ITGAL: variants seen among roughly 807,000 people sequenced by gnomAD.
ITGAL encodes integrin subunit alpha L, also known as integrin alpha-L.
ITGAL carries 68 observed loss-of-function variants against 138.4 expected under a neutral mutation model. That is an observed-to-expected ratio of 0.49 (90% CI 0.40 to 0.60). The LOEUF is 0.60. ITGAL is among the 20% of genes least tolerant of loss of function. ITGAL has a pLI of 0.00. For missense variants in ITGAL, 1,256 were observed against 1,478.6 expected, an observed-to-expected ratio of 0.85 and a Z score of 2.47; for synonymous variants, 561 against 584.3, an observed-to-expected ratio of 0.96 and a Z score of 0.57.
rs1186074262 is a variant in ITGAL, at chr16:30,505,472, G to A, written c.2366+10G>A. On this transcript the variant is annotated intron_variant, in intron 20 of 30. Coordinates refer to ENST00000356798, the MANE Select transcript of ITGAL (RefSeq NM_002209.3). ...CCTTCTCTCCTGCAAGGTCAGTAAGGCCTCCCACCCTCCAGCCTCCCATCC... is the reference window on the plus strand; with the variant it reads ...CCTTCTCTCCTGCAAGGTCAGTAAGACCTCCCACCCTCCAGCCTCCCATCC... 1 of 1,608,722 alleles carries A rather than the reference G, an allele frequency of 6.2e-7. No homozygotes were observed. The highest frequency in any genetic ancestry group is 2.2e-5 in the East Asian group (1 of 44,850).
intron 6 of ITGAL, among the ~76,000 whole-genome samples, chr16:30,480,293 C>G (rs558859964): frequency 6.6e-6 from 1 of 152,138 alleles, no homozygotes; most frequent in South Asian, 2.1e-4. Context: ...TCTCAGTCTC[C>G]GTAGACTGGC....
rs755538951 is a variant in ITGAL, at chr16:30,494,303, G to A, written c.1305G>A (p.Leu435=). 11 of 1,613,432 alleles carry A rather than the reference G, an allele frequency of 6.8e-6. No individual in the cohort carries two copies. Among genetic ancestry groups the A allele is most frequent in the South Asian group, 6.6e-5 (6 of 91,060 alleles). Residue 435 remains leucine (L), a synonymous_variant, in exon 12 of 31, where the codon CTG becomes CTA. Transcript: ENST00000356798. The surrounding 1 kb of genome is among the most constrained non-coding windows in gnomAD (Gnocchi z 4.2). ...PRYQHMGRVL[L]FQEPQGGGHW... ...ACCAGCACATGGGCCGAGTGCTGCT[G>A]TTCCAAGAGCCACAGGGCGGAGGAC... is the stretch of plus-strand genomic sequence containing the variant.
chr16:30,506,996 C>T, intron 21 of ITGAL, 140 bp downstream of exon 21: 1 of 895,154 alleles, frequency 1.1e-6, no homozygotes, highest in Non-Finnish European at 1.7e-6. Flanking sequence ...ATCTGGGTTC[C>T]CAGCCTCGAG....
Position 30,496,191 on chromosome 16 carries a change from G to A in ITGAL, c.1598G>A (p.Gly533Asp). Residue 533 changes from glycine (G) to aspartate (D), a missense_variant, in exon 14 of 31, where the codon GGC becomes GAC. Physicochemically the swap from Gly to Asp is moderately conservative, Grantham distance 94. This residue lies in a region of ITGAL where 867 missense variants were observed against 972.5 expected (regional missense o/e 0.89). Coordinates refer to ENST00000356798, the MANE Select transcript of ITGAL (RefSeq NM_002209.3). ...ATCACTGCTCTGACAGACATCAACG[G>A]CGATGGGCTGGTAGACGTGGCTGTG... ...EAITALTDIN[G>D]DGLVDVAVGA... The A allele has an allele frequency of 6.2e-7, 1 of 1,614,048 alleles. No homozygotes were observed. The highest frequency in any genetic ancestry group is 8.5e-7 in the Non-Finnish European group (1 of 1,179,970).
chr16:30,476,830 C>T (rs1597061805), intron 4 of ITGAL, among the ~76,000 whole-genome samples: 2 of 152,058 alleles, frequency 1.3e-5, no homozygotes, highest in South Asian at 2.1e-4. Context: ...GATGGGGTTT[C>T]GCCATGTTGG....
intron 17 of ITGAL, among the ~76,000 whole-genome samples, chr16:30,503,216 G>A (rs1043687883): frequency 2.6e-5 from 4 of 151,902 alleles, no homozygotes; most frequent in African/African-American, 7.3e-5. Flanking sequence ...AACAATTATC[G>A]ACTCACCCTC....
chr16:30,490,421 T>C (rs2050709423), intron 11 of ITGAL, among the ~76,000 whole-genome samples: 2 of 152,032 alleles, frequency 1.3e-5, no homozygotes, highest in African/African-American at 4.8e-5. Context: ...ATTCAAACTG[T>C]GCAATCCTAA....
At chr16:30,476,656 G>A (rs2050476388) in intron 4 of ITGAL, among the ~76,000 whole-genome samples, 1 of 142,326 alleles carries the variant, frequency 7.0e-6, no homozygotes, top group South Asian at 2.3e-4. Flanking sequence ...TTTTGAGACA[G>A]AGTTTCACTC....
At chr16:30,500,081 T>C (rs914706943) in intron 17 of ITGAL, among the ~76,000 whole-genome samples, 3 of 143,816 alleles carry the variant, frequency 2.1e-5, no homozygotes, top group African/African-American at 7.7e-5. Context: ...TATTTATTTA[T>C]TTATTTATTT....
intron 9 of ITGAL, among the ~76,000 whole-genome samples, chr16:30,486,275 C>T (rs925719339): frequency 6.6e-6 from 1 of 151,910 alleles, no homozygotes. Flanking sequence ...CTGAGGCAGG[C>T]GGATCACTTG....
rs2050682686 is a variant in ITGAL at position 30,488,750 on chromosome 16, G to A, written c.1007-332G>A. 2.6e-5 allele frequency: 8 copies of A among 312,804 alleles called. No homozygotes were observed. In the South Asian group the frequency reaches 2.8e-4, roughly 11 times the overall value. 19.4% of individuals were successfully genotyped at this position (312,804 alleles called of 1,614,324 possible). A position where few individuals can be genotyped will look rare whatever the true frequency, so the allele number is the denominator to read the frequency against. ...AAATTAGCCAGGTGTGATGGTGTGT[G>A]CCTATAGTCCCCACTATCCAGGAGG... On this transcript the variant is annotated intron_variant, in intron 9 of 30. Coordinates refer to ENST00000356798, the MANE Select transcript of ITGAL (RefSeq NM_002209.3).
intron 1 of ITGAL, 64 bp from the exon 2 acceptor site, chr16:30,474,132 C>T (rs775756477): frequency 2.2e-5 from 28 of 1,275,970 alleles, no homozygotes; most frequent in South Asian, 5.1e-5. Context: ...GGATCGGCCA[C>T]CTGCTGGGCA....
chr16:30,489,445 G>A, intron 11 of ITGAL, 59 bp downstream of exon 11: 15 of 1,568,172 alleles, frequency 9.6e-6, no homozygotes, highest in Non-Finnish European at 1.2e-5. Context: ...TGGTCGCTCA[G>A]CCTGGCTTCC....
At chr16:30,480,839 A>G (rs554939661) in intron 6 of ITGAL, 2 of 154,734 alleles carry the variant, frequency 1.3e-5, no homozygotes, top group South Asian at 4.0e-4. Flanking sequence ...TTTCTACAAA[A>G]AATAAAAACT....
At chr16:30,488,931 T>G in intron 9 of ITGAL, 151 bp from the exon 10 acceptor site, 1 of 670,974 alleles carries the variant, frequency 1.5e-6, no homozygotes, top group East Asian at 2.7e-5. Context: ...AACTCCGCAT[T>G]AAGCCACTTC....
chr16:30,481,183 C>CACA (rs1555505200), intron 6 of ITGAL: 1 of 355,570 alleles, frequency 2.8e-6, no homozygotes, highest in East Asian at 6.3e-5. Context: ...CACACACACA[C>CACA]CACACACACA....
At position 30,512,601 on chromosome 16, in the gene ITGAL, G is replaced by C. The variant is rs980173074; in HGVS notation, c.2787-1170G>C. 2.7e-5 allele frequency among the ~76,000 whole-genome samples: 4 copies of C among 150,670 alleles called. No homozygotes were observed. The East Asian group carries it at 7.8e-4, about 30-fold the overall frequency. On this transcript the variant is annotated intron_variant, in intron 24 of 30. Coordinates refer to ENST00000356798, the MANE Select transcript of ITGAL (RefSeq NM_002209.3). ...GACCCTGTGTGAAAAAAAAAAAAAA[G>C]GAAACTCAAAATCGAGTGGCTTTTT...
intron 6 of ITGAL, among the ~76,000 whole-genome samples, chr16:30,480,420 G>T (rs1355501768): frequency 6.6e-6 from 1 of 152,002 alleles, no homozygotes; most frequent in Non-Finnish European, 1.5e-5. Context: ...CAAATTTCCA[G>T]TTCTCAGAGA....
rs577787572 is a variant in ITGAL, at chr16:30,518,708, T to C, written c.3217T>C (p.Ser1073Pro). The change falls in exon 29 of 31, where the codon TCC (serine) becomes CCC (proline). Residue 1073 changes from serine to proline, a missense_variant. Ser to Pro is a moderately conservative substitution (Grantham distance 74, BLOSUM62 -1). This residue lies in a region of ITGAL where 867 missense variants were observed against 972.5 expected (regional missense o/e 0.89). Coordinates refer to ENST00000356798, the MANE Select transcript of ITGAL (RefSeq NM_002209.3). ...KHFHLYGSNA[S>P]LAQVVMKVDV... Reference sequence around the variant, plus strand: ...TTTCCACCTCTATGGCAGCAACGCCTCCCTGGCCCAGGTATCTCCACCTCC... The same window carrying C: ...TTTCCACCTCTATGGCAGCAACGCCCCCCTGGCCCAGGTATCTCCACCTCC... 6.2e-7 allele frequency: 1 copy of C among 1,612,460 alleles called. No homozygotes were observed. The highest frequency in any genetic ancestry group is 1.1e-5 in the South Asian group (1 of 91,044).
Sources: gnomAD v4.1 joint callset for allele counts (sites outside exome capture counted in the v4.1 genomes callset) on GRCh38, gnomAD v4.1.1 for gene constraint, gnomAD v4.1.1 regional missense constraint, Gnocchi (gnomAD v3.1) non-coding constraint, MANE v1.5 for transcripts, NCBI Gene and HGNC (gene_info 2026-07-23, HGNC 2026-07-21) for gene names.